TSR3: variants seen among roughly 807,000 people sequenced by gnomAD.
TSR3 encodes the protein 18S rRNA aminocarboxypropyltransferase.
A neutral mutation model predicts 28.1 loss-of-function variants in TSR3; 31 were observed. The observed-to-expected ratio is 1.10, with a 90% CI of 0.83 to 1.49. TSR3 has a LOEUF of 1.49. Ranked by LOEUF, TSR3 falls within the 40% of genes most tolerant of loss-of-function variation. TSR3 has a pLI of 0.00. For synonymous variants in TSR3, 219 were observed against 197.2 expected, an observed-to-expected ratio of 1.11 and a Z score of -0.93; for missense variants, 511 against 444.0, an observed-to-expected ratio of 1.15 and a Z score of -1.36.
At position 1,351,864 on chromosome 16, in the gene TSR3, A is replaced by T; in HGVS notation, c.-60T>A. 7.9e-7 allele frequency: 1 copy of T among 1,270,544 alleles called. No individual in the cohort carries two copies. The highest frequency in any genetic ancestry group is 4.3e-5 in the Admixed American group (1 of 23,306). 78.7% of individuals were successfully genotyped at this position (1,270,544 alleles called of 1,614,324 possible). ...CACGGCCGCGCCCCTCGGCCTCCCA[A>T]TGGGCTGTGCGGCTGCCAGCGCTTG... On this transcript the variant is annotated 5_prime_UTR_variant, in exon 1 of 6. It adds an upstream start codon to the 5' untranslated region. Coordinates refer to ENST00000007390, the MANE Select transcript of TSR3 (RefSeq NM_001001410.3).
chr16:1,351,432 G>A lies in TSR3; in HGVS notation c.279C>T (p.Phe93=). Residue 93 remains phenylalanine, a synonymous_variant, in exon 2 of 6, where the codon TTC becomes TTT. Coordinates refer to ENST00000007390, the MANE Select transcript of TSR3 (RefSeq NM_001001410.3). ...LVRCLRLGHR[F]GGLVLSPVGK... ...CCACGGGGCTCAGCACCAGACCGCC[G>A]AATCTGTGGCCCAGGCGCAGGCAGC... is the stretch of plus-strand genomic sequence containing the variant. 1 of 1,595,560 alleles carries A rather than the reference G, an allele frequency of 6.3e-7. No individual in the cohort carries two copies. Among genetic ancestry groups the A allele is most frequent in the Non-Finnish European group, 8.5e-7 (1 of 1,178,782 alleles).
chr16:1,350,845 G>A lies in TSR3; in HGVS notation c.488C>T (p.Ser163Phe). 1 of 1,613,054 alleles carries A rather than the reference G, an allele frequency of 6.2e-7. No homozygotes were observed. Among genetic ancestry groups the A allele is most frequent in the South Asian group, 1.1e-5 (1 of 91,084 alleles). Residue 163 changes from serine (S) to phenylalanine (F), a missense_variant, in exon 3 of 6, where the codon TCC becomes TTC. Ser to Phe is a radical substitution (Grantham distance 155, BLOSUM62 -2). Transcript: ENST00000007390. ...GGTGGCAGCAAACGCTTCCACGCAG[G>A]AAAGTCTGTAGGGCCGGCCATAGTT... ...PVNYGRPYRL[S>F]CVEAFAATFC...
rs1596601807 is a variant in TSR3 at position 1,350,825 on chromosome 16, C to G, written c.508G>C (p.Ala170Pro). Residue 170 changes from alanine (A) to proline (P), a missense_variant, in exon 3 of 6, where the codon GCC becomes CCC. Transcript: ENST00000007390. ...GACTCACCTACGATGCAGAAGGTGG[C>G]AGCAAACGCTTCCACGCAGGAAAGT... ...YRLSCVEAFA[A>P]TFCIVGFPDL... 1 of 1,612,752 alleles carries G rather than the reference C, an allele frequency of 6.2e-7. No homozygotes were observed. Among genetic ancestry groups the G allele is most frequent in the Admixed American group, 1.7e-5 (1 of 59,996 alleles).
In TSR3 at chr16:1,351,736, G is replaced by T; in HGVS notation, c.69C>A (p.Arg23=). The T allele has an allele frequency of 7.3e-7, 1 of 1,369,522 alleles. No individual in the cohort carries two copies. The highest frequency in any genetic ancestry group is 9.4e-7 in the Non-Finnish European group (1 of 1,066,060). The allele number at this position is 1,369,522 out of a possible 1,614,324, so 84.8% of individuals were successfully genotyped here. A position where few individuals can be genotyped will look rare whatever the true frequency, so the allele number is the denominator to read the frequency against. ...CCTCCTCGGCGAAGGCCTCCAGGGA[G>T]CGCGTCGGGAGGTGCCGAGGGCGGC... ...EGGRPRHLPT[R]SLEAFAEEVG... Residue 23 remains arginine, a synonymous_variant, in exon 1 of 6, where the codon CGC becomes CGA. Transcript: ENST00000007390.
In TSR3 at chr16:1,350,162, T is replaced by C; in HGVS notation, c.599A>G (p.Gln200Arg). The C allele has an allele frequency of 1.2e-6, 2 of 1,611,644 alleles. No homozygotes were observed. Among genetic ancestry groups the C allele is most frequent in the South Asian group, 1.1e-5 (1 of 91,076 alleles). The change falls in exon 4 of 6, where the codon CAG (glutamine) becomes CGG (arginine). Residue 200 changes from glutamine (Q) to arginine (R), a missense_variant. Coordinates refer to ENST00000007390, the MANE Select transcript of TSR3 (RefSeq NM_001001410.3). ...WGKGFLDLNR[Q>R]LLDKYAACGS... ...GCAGGCCGCGTACTTGTCCAGGAGC[T>C]GGCGGTTCAGGTCCAAGAAGCCCTT...
At position 1,351,442 on chromosome 16, in the gene TSR3, C is replaced by T; in HGVS notation, c.269G>A (p.Gly90Asp). 6.3e-7 allele frequency: 1 copy of T among 1,594,944 alleles called. No individual in the cohort carries two copies. The highest frequency in any genetic ancestry group is 8.5e-7 in the Non-Finnish European group (1 of 1,178,510). ...CAGCACCAGACCGCCGAATCTGTGG[C>T]CCAGGCGCAGGCAGCGCACCAGCCC... is the stretch of plus-strand genomic sequence containing the variant. ...RLGLVRCLRL[G>D]HRFGGLVLSP... Residue 90 changes from glycine (G) to aspartate (D), a missense_variant, in exon 2 of 6, where the codon GGC becomes GAC. Coordinates refer to ENST00000007390, the MANE Select transcript of TSR3 (RefSeq NM_001001410.3).
At chr16:1,351,061 C>G in intron 2 of TSR3, 61 bp from the exon 3 acceptor site, 4 of 1,532,262 alleles carry the variant, frequency 2.6e-6, no homozygotes, top group South Asian at 2.3e-5. Context: ...GAGCATGCCC[C>G]GGAGAATGGC....
chr16:1,349,624 G>T lies in TSR3; in HGVS notation c.768-16C>A. On this transcript the variant is annotated splice_polypyrimidine_tract_variant and intron_variant, in intron 5 of 5. Coordinates refer to ENST00000007390, the MANE Select transcript of TSR3 (RefSeq NM_001001410.3). ...CGAGGGCAGCCTGGGAGAGGAGGGG[G>T]AGCACGTTCCCAAATGACGTCCTCC... 1 of 1,574,964 alleles carries T rather than the reference G, an allele frequency of 6.3e-7. No individual in the cohort carries two copies. The highest frequency in any genetic ancestry group is 1.2e-5 in the South Asian group (1 of 86,200).
At chr16:1,351,039 C>T in intron 2 of TSR3, 39 bp from the exon 3 acceptor site, 2 of 1,597,700 alleles carry the variant, frequency 1.3e-6, no homozygotes, top group South Asian at 1.1e-5. Flanking sequence ...GGAGCCAGCA[C>T]TACCCAAGGT....
intron 2 of TSR3, 114 bp downstream of exon 2, chr16:1,351,265 C>T (rs1398019720): frequency 8.3e-7 from 1 of 1,207,958 alleles, no homozygotes; most frequent in African/African-American, 1.5e-5. Flanking sequence ...GACAGACGTT[C>T]CCTGCCCACG....
chr16:1,350,867 AG>A lies in TSR3; in HGVS notation c.465del (p.Tyr156MetfsTer20). The A allele has an allele frequency of 6.2e-7, 1 of 1,613,056 alleles. No homozygotes were observed. Among genetic ancestry groups the A allele is most frequent in the Non-Finnish European group, 8.5e-7 (1 of 1,179,974 alleles). On this transcript the variant is annotated frameshift_variant, in exon 3 of 6. Coordinates refer to ENST00000007390, the MANE Select transcript of TSR3 (RefSeq NM_001001410.3). LOFTEE classifies it high-confidence loss of function. ...CAGGAAAGTCTGTAGGGCCGGCCAT[AG>A]TTCACGGGGTTGGCGGCCACCAGGT... ...LPYLVAANPV[N>X]YGRPYRLSCV...
At chr16:1,350,280 T>A in intron 3 of TSR3, 46 bp from the exon 4 acceptor site, 2 of 1,542,548 alleles carry the variant, frequency 1.3e-6, no homozygotes, top group Non-Finnish European at 1.7e-6. Flanking sequence ...GACGGTCCCC[T>A]CAAGTGCCTC....
rs2034597422 is a variant in TSR3 at position 1,349,362 on chromosome 16, C to T, written c.*75G>A. On this transcript the variant is annotated 3_prime_UTR_variant, in exon 6 of 6. Coordinates refer to ENST00000007390, the MANE Select transcript of TSR3 (RefSeq NM_001001410.3). ...CAGCAGCCGCAAAGAGCCGAGGCTG[C>T]CAGGCCCATTTATGTCCCTCATGTC... 1 of 1,554,696 alleles carries T rather than the reference C, an allele frequency of 6.4e-7. No individual in the cohort carries two copies. The highest frequency in any genetic ancestry group is 8.9e-7 in the Non-Finnish European group (1 of 1,127,058).
chr16:1,349,421 T>C lies in TSR3; in HGVS notation c.*16A>G, dbSNP rs753366307. On this transcript the variant is annotated 3_prime_UTR_variant, in exon 6 of 6. Coordinates refer to ENST00000007390, the MANE Select transcript of TSR3 (RefSeq NM_001001410.3). ...TTCTCGTCACCCAGCCTCAAAAATA[T>C]ATGTGTCTGCAACCCTCAGTCTCTC... The C allele has an allele frequency of 2.5e-6, 4 of 1,613,602 alleles. No homozygotes were observed. Among genetic ancestry groups the C allele is most frequent in the Non-Finnish European group, 3.4e-6 (4 of 1,179,890 alleles).
chr16:1,349,519 T>G lies in TSR3; in HGVS notation c.857A>C (p.Glu286Ala). The change falls in exon 6 of 6, where the codon GAG (glutamate) becomes GCG (alanine). Residue 286 changes from glutamate to alanine, a missense_variant. Glu to Ala is a moderately radical substitution (Grantham distance 107). Coordinates refer to ENST00000007390, the MANE Select transcript of TSR3 (RefSeq NM_001001410.3). Reference protein sequence around the residue: ...RGGASSSCCEEEQTQGRGAEA... With the variant: ...RGGASSSCCEAEQTQGRGAEA... ...AGCCCCCCGTCCCTGCGTCTGCTCCTCTTCACAGCAGCTGCTGCTGGCTCC... is the reference window on the plus strand; with the variant it reads ...AGCCCCCCGTCCCTGCGTCTGCTCCGCTTCACAGCAGCTGCTGCTGGCTCC... 6.2e-7 allele frequency: 1 copy of G among 1,613,536 alleles called. No homozygotes were observed. The highest frequency in any genetic ancestry group is 8.5e-7 in the Non-Finnish European group (1 of 1,180,004).
In TSR3 at chr16:1,349,538, T is replaced by G. The variant is rs770879993; in HGVS notation, c.838A>C (p.Ser280Arg). 6.2e-7 allele frequency: 1 copy of G among 1,613,288 alleles called. No homozygotes were observed. The highest frequency in any genetic ancestry group is 1.1e-5 in the South Asian group (1 of 91,078). ...TGCTCCTCTTCACAGCAGCTGCTGC[T>G]GGCTCCTCCGCGCTCGGCGCCAGGC... ...PGPGAERGGA[S>R]SSCCEEEQTQ... is the part of the protein sequence containing the mutation. The change falls in exon 6 of 6, where the codon AGC becomes CGC. Residue 280 changes from serine (S) to arginine (R), a missense_variant. By Grantham distance (110) the Ser-to-Arg change is moderately radical. Transcript: ENST00000007390.
rs1427811111 is a variant in TSR3, at chr16:1,351,561, G to A, written c.150C>T (p.Gly50=). The A allele has an allele frequency of 2.0e-6, 3 of 1,475,220 alleles. No individual in the cohort carries two copies. Among genetic ancestry groups the A allele is most frequent in the Non-Finnish European group, 1.8e-6 (2 of 1,122,256 alleles). The allele number at this position is 1,475,220 out of a possible 1,614,324, so 91.4% of individuals were successfully genotyped here. Residue 50 remains glycine (G), a synonymous_variant, in exon 2 of 6, where the codon GGC becomes GGT. Coordinates refer to ENST00000007390, the MANE Select transcript of TSR3 (RefSeq NM_001001410.3). ...VEPGAADGEG[G]PGPAALPCTL... ...TGCAGGGCAGCGCCGCCGGGCCCGG[G>A]CCGCCCTCGCCGTCAGCCGCCCCTG... is the stretch of plus-strand genomic sequence containing the variant.
chr16:1,351,866 G>T lies in TSR3; in HGVS notation c.-62C>A, dbSNP rs2141632409. The T allele has an allele frequency of 2.4e-6, 3 of 1,266,346 alleles. No homozygotes were observed. Among genetic ancestry groups the T allele is most frequent in the Non-Finnish European group, 3.0e-6 (3 of 1,011,278 alleles). The allele number at this position is 1,266,346 out of a possible 1,614,324, so 78.4% of individuals were successfully genotyped here. A position where few individuals can be genotyped will look rare whatever the true frequency, so the allele number is the denominator to read the frequency against. On this transcript the variant is annotated 5_prime_UTR_variant, in exon 1 of 6. Coordinates refer to ENST00000007390, the MANE Select transcript of TSR3 (RefSeq NM_001001410.3). ...CGGCCGCGCCCCTCGGCCTCCCAAT[G>T]GGCTGTGCGGCTGCCAGCGCTTGCG...
chr16:1,349,276 G>T lies in TSR3; in HGVS notation c.*161C>A. 1 of 795,888 alleles carries T rather than the reference G, an allele frequency of 1.3e-6. No individual in the cohort carries two copies. The highest frequency in any genetic ancestry group is 2.1e-6 in the Non-Finnish European group (1 of 471,506). The allele number at this position is 795,888 out of a possible 1,614,324, so 49.3% of individuals were successfully genotyped here. On this transcript the variant is annotated 3_prime_UTR_variant, in exon 6 of 6. Coordinates refer to ENST00000007390, the MANE Select transcript of TSR3 (RefSeq NM_001001410.3). The stretch of plus-strand genomic sequence containing the variant: ...CAGCTTCATTTGCGAGAGCGCCGAG[G>T]CAGGACACAGAGCACAGCTGTGCTG...
Sources: allele counts gnomAD v4.1 joint callset, GRCh38; gene constraint gnomAD v4.1.1; transcripts MANE v1.5; gene names NCBI Gene and HGNC (gene_info 2026-07-23, HGNC 2026-07-21).